Variants in RYR1 observed in about 807,000 individuals in gnomAD.
RYR1 encodes the protein ryanodine receptor 1.
Under a neutral mutation model 583.5 loss-of-function variants are expected in RYR1, and 342 were observed. The ratio of observed to expected loss-of-function variants is 0.59; its 90% CI spans 0.54 to 0.64. The LOEUF is 0.64. Among genes scored for constraint, RYR1 ranks in the 30% least tolerant of loss-of-function variants. The probability of loss-of-function intolerance (pLI) is 0.00; values close to 1 mark genes in which losing one functional copy is unlikely to be tolerated. For synonymous variants in RYR1, 2,791 were observed against 2,822.5 expected, an observed-to-expected ratio of 0.99 and a Z score of 0.35; for missense variants, 6,032 against 6,917.2, an observed-to-expected ratio of 0.87 and a Z score of 4.54.
intron 89 of RYR1, among the ~76,000 whole-genome samples, chr19:38,553,149 A>G (rs967343538): frequency 2.0e-5 from 3 of 151,980 alleles, no homozygotes; most frequent in Non-Finnish European, 4.4e-5. Flanking sequence ...CCTGGGCAAC[A>G]TGGCGAACCT....
chr19:38,527,923 G>A, intron 73 of RYR1, 139 bp downstream of exon 73: 2 of 1,012,992 alleles, frequency 2.0e-6, no homozygotes, highest in South Asian at 3.0e-5. Flanking sequence ...TCGAGTTTAA[G>A]GCGAGGCTTA....
rs770137774 is a variant in RYR1 at position 38,512,208 on chromosome 19, C to A, written c.9234-37C>A. On this transcript the variant is annotated intron_variant, in intron 62 of 105. Transcript: ENST00000359596. The surrounding 1 kb of genome is among the most constrained non-coding windows in gnomAD (Gnocchi z 5.1). ...CCAACCCCTGGTCTCCTAGACTCTC[C>A]GATTCCAGAGCTGATGTTCCCCCGC... 1.9e-6 allele frequency: 3 copies of A among 1,613,970 alleles called. No homozygotes were observed. The highest frequency in any genetic ancestry group is 2.5e-6 in the Non-Finnish European group (3 of 1,179,820).
intron 36 of RYR1, 46 bp from the exon 37 acceptor site, chr19:38,490,575 G>C: frequency 6.5e-6 from 8 of 1,236,748 alleles, no homozygotes; most frequent in Non-Finnish European, 9.6e-6. Context: ...CAGAGTTCCT[G>C]CTTTGGGATC....
At chr19:38,504,982 C>G (rs1322332153) in intron 51 of RYR1, 21 bp from the exon 52 acceptor site, 2 of 1,614,120 alleles carry the variant, frequency 1.2e-6, no homozygotes, top group Non-Finnish European at 1.7e-6. Context: ...CCAACATCTG[C>G]TGACCCTGTG....
At chr19:38,471,364 A>C (rs1206848750) in intron 27 of RYR1, among the ~76,000 whole-genome samples, 2 of 151,840 alleles carry the variant, frequency 1.3e-5, no homozygotes, top group African/African-American at 4.8e-5. Context: ...CCCTGTCTCT[A>C]CACAGAATAA....
chr19:38,489,937 G>C lies in RYR1; in HGVS notation c.5815-139G>C, dbSNP rs1031692500. On this transcript the variant is annotated intron_variant, in intron 35 of 105. Transcript: ENST00000359596. Reference sequence around the variant, plus strand: ...GAGCCACCATGCTTGAGGAAGGCAGGCTTAAGGTTCCAGGCGGGAAATGAT... The same window carrying C: ...GAGCCACCATGCTTGAGGAAGGCAGCCTTAAGGTTCCAGGCGGGAAATGAT... 10 of 880,096 alleles carry C rather than the reference G, an allele frequency of 1.1e-5. No individual in the cohort carries two copies. The African/African-American group carries it at 1.6e-4, about 15-fold the overall frequency. The allele number at this position is 880,096 out of a possible 1,614,324, so 54.5% of individuals were successfully genotyped here.
At chr19:38,515,388 T>TGGGGTCACTGGGG (rs1207911037) in intron 64 of RYR1, among the ~76,000 whole-genome samples, 1 of 152,016 alleles carries the variant, frequency 6.6e-6, no homozygotes, top group Non-Finnish European at 1.5e-5. Flanking sequence ...CACGCAACAC[T>TGGGGTCACTGGGG]GGGGTCACTG....
intron 87 of RYR1, among the ~76,000 whole-genome samples, chr19:38,544,388 C>A (rs538688499): frequency 1.1e-4 from 17 of 152,336 alleles, no homozygotes; most frequent in African/African-American, 4.1e-4. Context: ...TGCAGCCTTG[C>A]CAATGTCTCA....
In RYR1 at chr19:38,543,284, A is replaced by C; in HGVS notation, c.11690-63A>C. 7.3e-7 allele frequency: 1 copy of C among 1,367,726 alleles called. No homozygotes were observed. The allele number at this position is 1,367,726 out of a possible 1,614,324, so 84.7% of individuals were successfully genotyped here. A position where few individuals can be genotyped will look rare whatever the true frequency, so the allele number is the denominator to read the frequency against. On this transcript the variant is annotated intron_variant, in intron 84 of 105. Coordinates refer to ENST00000359596, the MANE Select transcript of RYR1 (RefSeq NM_000540.3). The surrounding 1 kb of genome is among the most constrained non-coding windows in gnomAD (Gnocchi z 4.4). ...TGAGTATTGCATAAATGAATAAATG[A>C]CCCACTGTTCATCTCCCCTAGCACA...
In RYR1 at chr19:38,473,458, G is replaced by A; in HGVS notation, c.3847G>A (p.Val1283Met). Residue 1283 changes from valine to methionine, a missense_variant, in exon 28 of 106, where the codon GTG (valine) becomes ATG (methionine). Val to Met is a conservative substitution (Grantham distance 21). This residue lies in a region of RYR1 where 2,627 missense variants were observed against 2,961.3 expected (regional missense o/e 0.89). Coordinates refer to ENST00000359596, the MANE Select transcript of RYR1 (RefSeq NM_000540.3). ...CACCTGGGGCTCCCAGAACAGCCTG[G>A]TGGAGATGCTTTTCCTGCGGCTGAG... ...HRTWGSQNSL[V>M]EMLFLRLSLP... The A allele has an allele frequency of 2.5e-6, 4 of 1,613,952 alleles. No individual in the cohort carries two copies. The highest frequency in any genetic ancestry group is 3.4e-6 in the Non-Finnish European group (4 of 1,179,970).
Position 38,534,744 on chromosome 19 carries a change from C to T in RYR1, c.11284C>T (p.Leu3762Phe), listed in dbSNP as rs1373874840. The stretch of plus-strand genomic sequence containing the variant: ...GGAGAAACAGATGGAGAAGCAGAGG[C>T]TCTTGTACCAGCAAGCACGGCTGCA... ...FEEKQMEKQR[L>F]LYQQARLHTR... Residue 3762 changes from leucine to phenylalanine, a missense_variant, in exon 79 of 106, where the codon CTC (leucine) becomes TTC (phenylalanine). Physicochemically the swap from Leu to Phe is conservative, Grantham distance 22. Transcript: ENST00000359596. The T allele has an allele frequency of 6.2e-7, 1 of 1,614,008 alleles. No homozygotes were observed. The highest frequency in any genetic ancestry group is 1.1e-5 in the South Asian group (1 of 91,002).
At chr19:38,515,716 TGGG>T (rs1295336718) in intron 64 of RYR1, among the ~76,000 whole-genome samples, 2 of 152,052 alleles carry the variant, frequency 1.3e-5, no homozygotes, top group Non-Finnish European at 2.9e-5. Flanking sequence ...AAGGCTGAGA[TGGG>T]GGGATCGCTT....
At position 38,580,104 on chromosome 19, in the gene RYR1, C is replaced by T; in HGVS notation, c.14487C>T (p.Ser4829=). ...TCAAGACGCTGCGCACCATCCTGTC[C>T]TCTGTCACCCACAATGGGAAACAGG... ...MGVKTLRTIL[S]SVTHNGKQLV... The change falls in exon 100 of 106, where the codon TCC becomes TCT. Residue 4829 remains serine, a synonymous_variant. Transcript: ENST00000359596. The T allele has an allele frequency of 6.2e-7, 1 of 1,614,204 alleles. No individual in the cohort carries two copies. The highest frequency in any genetic ancestry group is 8.5e-7 in the Non-Finnish European group (1 of 1,180,052).
chr19:38,504,320 G>A lies in RYR1; in HGVS notation c.8027G>A (p.Arg2676Gln), dbSNP rs780455924. ...TCAGAGGAGGAGCTGCACCTCACACGGAAACTCTTCTGGGGCATCTTTGAC... is the reference window on the plus strand; with the variant it reads ...TCAGAGGAGGAGCTGCACCTCACACAGAAACTCTTCTGGGGCATCTTTGAC... ...VTSEEELHLT[R>Q]KLFWGIFDSL... The change falls in exon 50 of 106, where the codon CGG (arginine) becomes CAG (glutamine). Residue 2676 changes from arginine to glutamine, a missense_variant. By Grantham distance (43) the Arg-to-Gln change is conservative. This residue lies in a region of RYR1 where 1,493 missense variants were observed against 1,715.5 expected (regional missense o/e 0.87). Transcript: ENST00000359596. The A allele has an allele frequency of 4.3e-6, 7 of 1,614,164 alleles. No individual in the cohort carries two copies. Among genetic ancestry groups the A allele is most frequent in the East Asian group, 2.2e-5 (1 of 44,882 alleles).
intron 22 of RYR1, 28 bp downstream of exon 22, chr19:38,463,878 G>A: frequency 6.3e-7 from 1 of 1,581,704 alleles, no homozygotes; most frequent in Non-Finnish European, 8.7e-7. Flanking sequence ...CCGGGGGTTG[G>A]GGCTGGCTGC....
At chr19:38,532,589 T>C (rs367798014) in intron 77 of RYR1, 48 bp downstream of exon 77, 20 of 1,613,384 alleles carry the variant, frequency 1.2e-5, no homozygotes, top group Non-Finnish European at 9.3e-6. Context: ...TCTCCCCACC[T>C]GCAGTGCTTG....
Position 38,486,078 on chromosome 19 carries a change from G to A in RYR1, c.5423G>A (p.Arg1808Gln), listed in dbSNP as rs770002604. The change falls in exon 34 of 106, where the codon CGG becomes CAG. Residue 1808 changes from arginine (R) to glutamine (Q), a missense_variant. Physicochemically the swap from Arg to Gln is conservative, Grantham distance 43 (BLOSUM62 1). Around this residue, in one of 11 missense-constraint regions of RYR1, gnomAD observed 2,627 missense variants for 2,961.3 expected, o/e 0.89. Transcript: ENST00000359596. ...LSPAIPLEAL[R>Q]DKALRMLGEA... ...CCTGCCATCCCGCTGGAGGCCCTGC[G>A]GGACAAGGCACTGAGGATGCTGGGG... 4.3e-6 allele frequency: 7 copies of A among 1,612,394 alleles called. No individual in the cohort carries two copies. The African/African-American group carries it at 5.3e-5, about 12-fold the overall frequency.
At chr19:38,442,971 A>G (rs73554203) in intron 3 of RYR1, among the ~76,000 whole-genome samples, 6,045 of 152,176 alleles carry the variant, frequency 0.04, 339 homozygotes, top group African/African-American at 0.12. Context: ...ATCACATGGT[A>G]CCCCCATGGC....
At chr19:38,434,609 G>A (rs1312110060) in intron 1 of RYR1, among the ~76,000 whole-genome samples, 1 of 152,136 alleles carries the variant, frequency 6.6e-6, no homozygotes, top group African/African-American at 2.4e-5. Context: ...GCCCCAGCTG[G>A]GGGCAGGGAT....
Sources: allele counts gnomAD v4.1 joint callset (sites outside exome capture counted in the v4.1 genomes callset), GRCh38; gene constraint gnomAD v4.1.1; regional missense constraint gnomAD v4.1.1; non-coding constraint Gnocchi (gnomAD v3.1); transcripts MANE v1.5; gene names NCBI Gene and HGNC (gene_info 2026-07-23, HGNC 2026-07-21).